The following PAPSS1 variants were observed in gnomAD, a reference collection of about 807,000 sequenced individuals.
PAPSS1 encodes the protein 3'-phosphoadenosine 5'-phosphosulfate synthase 1.
A neutral mutation model predicts 72.0 loss-of-function variants in PAPSS1; 50 were observed. The observed-to-expected ratio is 0.69, with a 90% CI of 0.55 to 0.88. The LOEUF is 0.88. Among genes scored for constraint, PAPSS1 ranks in the 40% least tolerant of loss-of-function variants. PAPSS1 has a pLI of 0.00. For missense variants in PAPSS1, 657 were observed against 782.2 expected, an observed-to-expected ratio of 0.84 and a Z score of 1.91; for synonymous variants, 261 against 263.6, an observed-to-expected ratio of 0.99 and a Z score of 0.09.
chr4:107,665,020 C>T (rs1171583123), intron 5 of PAPSS1, among the ~76,000 whole-genome samples: 1 of 152,152 alleles, frequency 6.6e-6, no homozygotes, highest in Non-Finnish European at 1.5e-5. Context: ...TCTTCTGATA[C>T]CTAACCAATG....
chr4:107,708,291 C>T (rs948908807), intron 1 of PAPSS1, among the ~76,000 whole-genome samples: 2 of 152,156 alleles, frequency 1.3e-5, no homozygotes, highest in African/African-American at 4.8e-5. Context: ...CAGAAGTAGA[C>T]ATTTGTATAT....
chr4:107,689,544 C>T, intron 3 of PAPSS1, among the ~76,000 whole-genome samples: 1 of 152,128 alleles, frequency 6.6e-6, no homozygotes, highest in East Asian at 1.9e-4. Context: ...ATATTAAAAT[C>T]ATCTCATCAG....
intron 10 of PAPSS1, among the ~76,000 whole-genome samples, chr4:107,634,856 G>A (rs534265352): frequency 1.4e-5 from 2 of 142,924 alleles, no homozygotes; most frequent in African/African-American, 5.4e-5. Context: ...CTGGAGTGCA[G>A]TGACGATCTC....
chr4:107,666,641 T>C (rs973582432), intron 5 of PAPSS1, among the ~76,000 whole-genome samples: 2 of 152,190 alleles, frequency 1.3e-5, no homozygotes, highest in Admixed American at 6.5e-5. Flanking sequence ...AAAACATTTT[T>C]CTTGGACAAT....
intron 11 of PAPSS1, 110 bp downstream of exon 11, chr4:107,631,521 T>A: frequency 2.9e-6 from 2 of 695,542 alleles, no homozygotes; most frequent in Non-Finnish European, 4.8e-6. Context: ...TTCTCTGACA[T>A]GAGTACCACA....
chr4:107,669,484 G>C (rs1727415181), intron 5 of PAPSS1, among the ~76,000 whole-genome samples: 1 of 152,200 alleles, frequency 6.6e-6, no homozygotes, highest in Admixed American at 6.5e-5. Context: ...CAAAATAACA[G>C]TGGTGAAGAC....
intron 10 of PAPSS1, among the ~76,000 whole-genome samples, chr4:107,640,365 G>T (rs181548208): frequency 6.6e-6 from 1 of 152,198 alleles, no homozygotes. Context: ...AACCAAATAG[G>T]CTTAACAGCT....
At chr4:107,621,762 A>C (rs1454392276) in intron 11 of PAPSS1, among the ~76,000 whole-genome samples, 1 of 151,388 alleles carries the variant, frequency 6.6e-6, no homozygotes, top group Non-Finnish European at 1.5e-5. Flanking sequence ...CTGGGACTAC[A>C]GGTGCCTGCC....
At chr4:107,653,410 A>G (rs1287554455) in intron 9 of PAPSS1, 81 bp downstream of exon 9, 27 of 1,376,878 alleles carry the variant, frequency 2.0e-5, no homozygotes, top group Non-Finnish European at 2.6e-5. Context: ...ATCGTTTTAC[A>G]TTTTCGTAAG....
Position 107,634,858 on chromosome 4 carries a change from G to GGC in PAPSS1, c.1507-2999_1507-2998insGC, listed in dbSNP as rs1726320539. ...TGTGTCGCCCAGGCTGGAGTGCAGT[G>GGC]ACGATCTCGGCTCAGTGCAAGCTCC... On this transcript the variant is annotated intron_variant, in intron 10 of 11. Transcript: ENST00000265174. 8.7e-5 allele frequency among the ~76,000 whole-genome samples: 12 copies of GGC among 137,890 alleles called. No individual in the cohort carries two copies. In the Admixed American group the frequency reaches 9.2e-4, roughly 11 times the overall value. The allele number at this position is 137,890 out of a possible 152,430, so 90.5% of individuals were successfully genotyped here.
rs1457767669 is a variant in PAPSS1, at chr4:107,654,813, A to G, written c.983T>C (p.Leu328Pro). 6.2e-7 allele frequency: 1 copy of G among 1,613,964 alleles called. No individual in the cohort carries two copies. Residue 328 changes from leucine (L) to proline (P), a missense_variant, in exon 8 of 12, where the codon CTG (leucine) becomes CCG (proline). Transcript: ENST00000265174. Reference sequence around the variant, plus strand: ...GGCCACACGGCGGCCCTCATACATCAGAGCAAATGCTGTACAGCCGTCCAG... The same window carrying G: ...GGCCACACGGCGGCCCTCATACATCGGAGCAAATGCTGTACAGCCGTCCAG... ...ERLDGCTAFA[L>P]MYEGRRVAIL...
chr4:107,654,598 C>CAA, intron 8 of PAPSS1, 97 bp downstream of exon 8: 1 of 949,886 alleles, frequency 1.1e-6, no homozygotes, highest in Admixed American at 1.9e-5. Context: ...AAAATATTAA[C>CAA]AATTCCAATG....
chr4:107,662,835 T>C (rs760466135), intron 5 of PAPSS1, among the ~76,000 whole-genome samples: 2 of 152,188 alleles, frequency 1.3e-5, no homozygotes, highest in Non-Finnish European at 2.9e-5. Flanking sequence ...CGACAAATGA[T>C]AGTTTAGCAG....
chr4:107,711,432 C>T (rs1723492771), intron 1 of PAPSS1, among the ~76,000 whole-genome samples: 1 of 151,786 alleles, frequency 6.6e-6, no homozygotes, highest in African/African-American at 2.4e-5. Flanking sequence ...TAAGGAAAAT[C>T]AACTTCTCTG....
intron 1 of PAPSS1, among the ~76,000 whole-genome samples, chr4:107,711,047 T>A (rs1255699746): frequency 6.6e-6 from 1 of 152,232 alleles, no homozygotes; most frequent in Non-Finnish European, 1.5e-5. Flanking sequence ...TGAGTTACAA[T>A]TATCCATATT....
chr4:107,690,473 C>A (rs1036665820), intron 3 of PAPSS1, among the ~76,000 whole-genome samples: 2 of 152,168 alleles, frequency 1.3e-5, no homozygotes, highest in Non-Finnish European at 2.9e-5. Flanking sequence ...CTCATAACAC[C>A]TTTCACATAT....
At chr4:107,704,543 G>A (rs1285542562) in intron 1 of PAPSS1, among the ~76,000 whole-genome samples, 1 of 152,162 alleles carries the variant, frequency 6.6e-6, no homozygotes, top group Non-Finnish European at 1.5e-5. Flanking sequence ...AATTTGTTGA[G>A]AGTTTTTATC....
At chr4:107,640,729 G>A (rs1420037334) in intron 10 of PAPSS1, among the ~76,000 whole-genome samples, 1 of 152,164 alleles carries the variant, frequency 6.6e-6, no homozygotes. Context: ...GAAATATTAA[G>A]ATGTTTACTA....
At chr4:107,661,894 G>A (rs938457746) in intron 5 of PAPSS1, among the ~76,000 whole-genome samples, 1 of 151,984 alleles carries the variant, frequency 6.6e-6, no homozygotes, top group African/African-American at 2.4e-5. Context: ...AACAACTATG[G>A]GTTCTGAAAA....
Sources: allele counts gnomAD v4.1 joint callset (sites outside exome capture counted in the v4.1 genomes callset), GRCh38; gene constraint gnomAD v4.1.1; transcripts MANE v1.5; gene names NCBI Gene and HGNC (gene_info 2026-07-23, HGNC 2026-07-21).